ANP32E: variants seen among roughly 807,000 people sequenced by gnomAD.
The protein encoded by ANP32E is acidic leucine-rich nuclear phosphoprotein 32 family member E.
In ANP32E, 14 loss-of-function variants were observed where a neutral mutation model predicts 35.3. The ratio of observed to expected loss-of-function variants is 0.40; its 90% CI spans 0.26 to 0.62. The LOEUF (loss-of-function observed/expected upper bound fraction) is 0.62. ANP32E is among the 20% of genes least tolerant of loss of function. The pLI is 0.45. For missense variants in ANP32E, 198 were observed against 304.4 expected, an observed-to-expected ratio of 0.65 and a Z score of 2.60; for synonymous variants, 89 against 110.4, an observed-to-expected ratio of 0.81 and a Z score of 1.22.
intron 2 of ANP32E, among the ~76,000 whole-genome samples, chr1:150,231,284 G>T (rs1487218771): frequency 6.6e-6 from 1 of 152,060 alleles, no homozygotes; most frequent in Non-Finnish European, 1.5e-5. Flanking sequence ...ATATTATAAG[G>T]CAATTCCACT....
rs1390899060 is a variant in ANP32E at position 150,219,695 on chromosome 1, G to C, written c.*996C>G. On this transcript the variant is annotated 3_prime_UTR_variant, in exon 7 of 7. Transcript: ENST00000583931. ...TATTGTCTTAGATGTTGTCAACCAA[G>C]AAACATTTATGGTAAGGAGAGCTTA... is the stretch of plus-strand genomic sequence containing the variant. 1 of 152,112 alleles carries C rather than the reference G, an allele frequency of 6.6e-6. No individual in the cohort carries two copies. The highest frequency in any genetic ancestry group is 2.4e-5 in the African/African-American group (1 of 41,414). 9.4% of individuals were successfully genotyped at this position (152,112 alleles called of 1,614,324 possible).
At chr1:150,221,811 T>G (rs1207142043) in intron 6 of ANP32E, among the ~76,000 whole-genome samples, 1 of 152,142 alleles carries the variant, frequency 6.6e-6, no homozygotes, top group Admixed American at 6.6e-5. Context: ...AAAAATTATT[T>G]TGAGGCTGGG....
Position 150,235,753 on chromosome 1 carries a change from T to C in ANP32E, c.34A>G (p.Arg12Gly). Residue 12 changes from arginine (R) to glycine (G), a missense_variant, in exon 1 of 7, where the codon AGG becomes GGG. Arg to Gly is a moderately radical substitution (Grantham distance 125). Coordinates refer to ENST00000583931, the MANE Select transcript of ANP32E (RefSeq NM_030920.5). This position sits in a 1 kb window ranked among gnomAD's most constrained non-coding sequence, Gnocchi z 4.2. ...CTCACCTCCTCCGGGGATCTGTTCC[T>C]TAACTCCAGGTTAATCTTCTTCTTC... ...EMKKKINLEL[R>G]NRSPEEVTEL... is the part of the protein sequence containing the mutation. 6.2e-7 allele frequency: 1 copy of C among 1,611,980 alleles called. No homozygotes were observed. Among genetic ancestry groups the C allele is most frequent in the Non-Finnish European group, 8.5e-7 (1 of 1,178,988 alleles).
chr1:150,223,268 A>G, intron 5 of ANP32E, 28 bp from the exon 6 acceptor site: 5 of 1,522,152 alleles, frequency 3.3e-6, no homozygotes, highest in South Asian at 1.2e-5. Flanking sequence ...CAGTTTGAAG[A>G]TTGAAAAATC....
chr1:150,231,419 A>G (rs1649335451), intron 2 of ANP32E, among the ~76,000 whole-genome samples: 1 of 151,868 alleles, frequency 6.6e-6, no homozygotes, highest in African/African-American at 2.4e-5. Flanking sequence ...ACATGGTGAA[A>G]CCCTATCTCT....
At position 150,226,787 on chromosome 1, in the gene ANP32E, CA is replaced by C; in HGVS notation, c.501del (p.Asp167GlufsTer55). On this transcript the variant is annotated frameshift_variant, in exon 5 of 7. Transcript: ENST00000583931. LOFTEE classifies it high-confidence loss of function. Reference protein sequence around the residue: ...DSEEEDDEDGDEDDEEEEENE... With the variant: ...DSEEEDDEDGXEDDEEEEENE... ...TTTTCCTCTTCCTCTTCATCATCTT[CA>C]TCGCCATCTTTAAAAAATCATTTAA... The C allele has an allele frequency of 6.2e-7, 1 of 1,601,808 alleles. No homozygotes were observed. Among genetic ancestry groups the C allele is most frequent in the Non-Finnish European group, 8.5e-7 (1 of 1,175,672 alleles).
intron 6 of ANP32E, among the ~76,000 whole-genome samples, chr1:150,222,435 T>TAAAATAAAATA (rs1257999614): frequency 7.5e-6 from 1 of 133,670 alleles, no homozygotes; most frequent in Non-Finnish European, 1.6e-5. Flanking sequence ...AATAAATAAA[T>TAAAATAAAATA]AAATAAAATA....
intron 6 of ANP32E, among the ~76,000 whole-genome samples, chr1:150,222,439 TAAAA>T (rs1648500956): frequency 3.7e-5 from 1 of 26,986 alleles, no homozygotes; most frequent in Non-Finnish European, 5.4e-5. Flanking sequence ...AATAAATAAA[TAAAA>T]TAAAATAAAA....
chr1:150,235,548 T>C lies in ANP32E; in HGVS notation c.54+185A>G, dbSNP rs782573301. ...AAAACGCCCCTAGAAACTTCAACCCTTCGCCATTTTAAGTAGAAGATTTTA... is the reference window on the plus strand; with the variant it reads ...AAAACGCCCCTAGAAACTTCAACCCCTCGCCATTTTAAGTAGAAGATTTTA... On this transcript the variant is annotated intron_variant, in intron 1 of 6. Coordinates refer to ENST00000583931, the MANE Select transcript of ANP32E (RefSeq NM_030920.5). The surrounding 1 kb of genome is among the most constrained non-coding windows in gnomAD (Gnocchi z 4.2). 6.6e-6 allele frequency among the ~76,000 whole-genome samples: 1 copy of C among 152,206 alleles called. No homozygotes were observed. Among genetic ancestry groups the C allele is most frequent in the Non-Finnish European group, 1.5e-5 (1 of 68,024 alleles).
In ANP32E at chr1:150,229,055, G is replaced by C. The variant is rs1201819266; in HGVS notation, c.493+17C>G. The C allele has an allele frequency of 1.2e-6, 2 of 1,608,516 alleles. No homozygotes were observed. The highest frequency in any genetic ancestry group is 2.7e-5 in the African/African-American group (2 of 74,638). On this transcript the variant is annotated intron_variant, in intron 4 of 6. Transcript: ENST00000583931. ...GGCTATAATTATGACACACTTATGA[G>C]TATTAAGAACGATTACCCTCATCAT... is the stretch of plus-strand genomic sequence containing the variant.
At chr1:150,222,390 G>A (rs1648490727) in intron 6 of ANP32E, among the ~76,000 whole-genome samples, 1 of 149,600 alleles carries the variant, frequency 6.7e-6, no homozygotes, top group South Asian at 2.1e-4. Flanking sequence ...CTGTACTCCA[G>A]CCTGGGCAAC....
At chr1:150,221,340 G>A (rs1331407181) in intron 6 of ANP32E, among the ~76,000 whole-genome samples, 3 of 150,310 alleles carry the variant, frequency 2.0e-5, no homozygotes, top group African/African-American at 7.4e-5. Context: ...CTGGGAGGCT[G>A]GGGCAGGAGA....
intron 5 of ANP32E, among the ~76,000 whole-genome samples, chr1:150,223,869 C>G (rs78417158): frequency 0.26 from 39,506 of 151,268 alleles, 5,821 homozygotes; most frequent in East Asian, 0.57. Context: ...CCTCGGCCTC[C>G]CGATTAGCTG....
chr1:150,230,369 T>G (rs1649261255), intron 3 of ANP32E, among the ~76,000 whole-genome samples: 1 of 152,182 alleles, frequency 6.6e-6, no homozygotes, highest in Non-Finnish European at 1.5e-5. Context: ...CTCCTGAAGT[T>G]GATGATAAAA....
rs1468664309 is a variant in ANP32E, at chr1:150,229,001, C to A, written c.493+71G>T. ...TTTTTTTCACACCTAAATTTCCAGG[C>A]CCAATCTAATTTGCACAGCTACAGC... is the stretch of plus-strand genomic sequence containing the variant. On this transcript the variant is annotated intron_variant, in intron 4 of 6. Coordinates refer to ENST00000583931, the MANE Select transcript of ANP32E (RefSeq NM_030920.5). 5 of 1,391,966 alleles carry A rather than the reference C, an allele frequency of 3.6e-6. No individual in the cohort carries two copies. The African/African-American group carries it at 6.0e-5, about 17-fold the overall frequency. 86.2% of individuals were successfully genotyped at this position (1,391,966 alleles called of 1,614,324 possible). A position where few individuals can be genotyped will look rare whatever the true frequency, so the allele number is the denominator to read the frequency against.
At chr1:150,222,559 G>A (rs916864901) in intron 6 of ANP32E, among the ~76,000 whole-genome samples, 1 of 151,424 alleles carries the variant, frequency 6.6e-6, no homozygotes, top group Non-Finnish European at 1.5e-5. Flanking sequence ...GTTCAACAAA[G>A]CCTGGGCAAT....
At position 150,230,711 on chromosome 1, in the gene ANP32E, G is replaced by GAAAAA; in HGVS notation, c.205-23_205-19dup. The GAAAAA allele has an allele frequency of 6.3e-7, 1 of 1,587,622 alleles. No individual in the cohort carries two copies. Among genetic ancestry groups the GAAAAA allele is most frequent in the Non-Finnish European group, 8.5e-7 (1 of 1,172,100 alleles). On this transcript the variant is annotated intron_variant, in intron 2 of 6. Transcript: ENST00000583931. ...AGCTCCAACTATACATTCAACAAAG[G>GAAAAA]AAAAAACAAAGAATGGTAAAGGTAT...
At chr1:150,224,477 G>A (rs1648709234) in intron 5 of ANP32E, among the ~76,000 whole-genome samples, 3 of 152,050 alleles carry the variant, frequency 2.0e-5, no homozygotes, top group African/African-American at 7.2e-5. Flanking sequence ...AGGAGAGTGA[G>A]GCAGGAGAAT....
intron 3 of ANP32E, among the ~76,000 whole-genome samples, chr1:150,230,242 C>T (rs1649248385): frequency 6.6e-6 from 1 of 151,452 alleles, no homozygotes; most frequent in Admixed American, 6.6e-5. Context: ...TTCCTTCCCT[C>T]AAACCAGGAA....
Sources: allele counts gnomAD v4.1 joint callset (sites outside exome capture counted in the v4.1 genomes callset), GRCh38; gene constraint gnomAD v4.1.1; non-coding constraint Gnocchi (gnomAD v3.1); transcripts MANE v1.5; gene names NCBI Gene and HGNC (gene_info 2026-07-23, HGNC 2026-07-21).